HDAC1: variants seen among roughly 807,000 people sequenced by gnomAD.
HDAC1 encodes the protein histone deacetylase 1.
Under a neutral mutation model 65.5 loss-of-function variants are expected in HDAC1, and 18 were observed. The observed-to-expected ratio is 0.27, with a 90% CI of 0.19 to 0.41. HDAC1 has a LOEUF of 0.41. Among genes scored for constraint, HDAC1 ranks in the 10% least tolerant of loss-of-function variants. HDAC1 has a pLI of 1.00. For missense variants in HDAC1, 373 were observed against 625.2 expected, an observed-to-expected ratio of 0.60 and a Z score of 4.30; for synonymous variants, 211 against 227.9, an observed-to-expected ratio of 0.93 and a Z score of 0.67.
intron 1 of HDAC1, 45 bp downstream of exon 1, chr1:32,292,263 A>T: frequency 6.5e-7 from 1 of 1,545,704 alleles, no homozygotes; most frequent in Non-Finnish European, 8.7e-7. Context: ...GCCGGGCCGG[A>T]CCGGGAACCT....
At chr1:32,299,524 C>T (rs1391979552) in intron 1 of HDAC1, among the ~76,000 whole-genome samples, 2 of 152,182 alleles carry the variant, frequency 1.3e-5, no homozygotes, top group East Asian at 3.8e-4. Context: ...ATATCTTAGT[C>T]CCCCAGGTCT....
rs1325267840 is a variant in HDAC1, at chr1:32,331,969, C to T, written c.1220-121C>T. 7 of 1,393,200 alleles carry T rather than the reference C, an allele frequency of 5.0e-6. No individual in the cohort carries two copies. In the African/African-American group the frequency reaches 7.3e-5, roughly 14 times the overall value. The allele number at this position is 1,393,200 out of a possible 1,614,324, so 86.3% of individuals were successfully genotyped here. A position where few individuals can be genotyped will look rare whatever the true frequency, so the allele number is the denominator to read the frequency against. ...CAGGTTAGGGAGCCCGAGTTCCTCCCTCTTCTGGTTCCCTTTCCCTTGGTG... is the reference window on the plus strand; with the variant it reads ...CAGGTTAGGGAGCCCGAGTTCCTCCTTCTTCTGGTTCCCTTTCCCTTGGTG... On this transcript the variant is annotated intron_variant, in intron 11 of 13. Transcript: ENST00000373548. The surrounding 1 kb of genome is among the most constrained non-coding windows in gnomAD (Gnocchi z 4.2).
intron 12 of HDAC1, among the ~76,000 whole-genome samples, 178 bp from the exon 13 acceptor site, chr1:32,332,523 C>G (rs1570044018): frequency 6.6e-6 from 1 of 152,222 alleles, no homozygotes; most frequent in Non-Finnish European, 1.5e-5. Flanking sequence ...CTGTAGCAGG[C>G]TGGGAAACCA....
At chr1:32,314,235 A>T (rs915808203) in intron 2 of HDAC1, among the ~76,000 whole-genome samples, 1 of 152,178 alleles carries the variant, frequency 6.6e-6, no homozygotes, top group African/African-American at 2.4e-5. Flanking sequence ...TCTGTTGCCC[A>T]GACTGTAGTG....
At chr1:32,332,546 C>A (rs1641308713) in intron 12 of HDAC1, among the ~76,000 whole-genome samples, 155 bp from the exon 13 acceptor site, 1 of 152,232 alleles carries the variant, frequency 6.6e-6, no homozygotes, top group South Asian at 2.1e-4. Flanking sequence ...CCAACCTGTT[C>A]TCAACAGGGC....
At chr1:32,312,891 G>T (rs1641009098) in intron 2 of HDAC1, among the ~76,000 whole-genome samples, 1 of 151,856 alleles carries the variant, frequency 6.6e-6, no homozygotes, top group South Asian at 2.1e-4. Context: ...GGCCAGACTG[G>T]TTTGAAACTC....
chr1:32,322,946 A>G (rs1280197026), intron 3 of HDAC1, among the ~76,000 whole-genome samples: 1 of 152,150 alleles, frequency 6.6e-6, no homozygotes, highest in Non-Finnish European at 1.5e-5. Context: ...GTGAGGATCA[A>G]ATGAGGTTGT....
In HDAC1 at chr1:32,331,735, C is replaced by G. The variant is rs551994577; in HGVS notation, c.1148C>G (p.Ala383Gly). ...CACGCACCTGGGGTCCAAATGCAGGCGATTCCTGAGGACGCCATCCCTGAG... is the reference window on the plus strand; with the variant it reads ...CACGCACCTGGGGTCCAAATGCAGGGGATTCCTGAGGACGCCATCCCTGAG... ...LPHAPGVQMQ[A>G]IPEDAIPEES... The change falls in exon 11 of 14, where the codon GCG becomes GGG. Residue 383 changes from alanine to glycine, a missense_variant. Physicochemically the swap from Ala to Gly is moderately conservative, Grantham distance 60. Around this residue, in one of 4 missense-constraint regions of HDAC1, gnomAD observed 126 missense variants for 126.2 expected, o/e 1.00. Coordinates refer to ENST00000373548, the MANE Select transcript of HDAC1 (RefSeq NM_004964.3). The surrounding 1 kb of genome is among the most constrained non-coding windows in gnomAD (Gnocchi z 4.2). 1 of 1,614,066 alleles carries G rather than the reference C, an allele frequency of 6.2e-7. No homozygotes were observed. The highest frequency in any genetic ancestry group is 2.2e-5 in the East Asian group (1 of 44,882).
intron 2 of HDAC1, among the ~76,000 whole-genome samples, chr1:32,314,493 C>T (rs1026975178): frequency 3.9e-5 from 6 of 151,920 alleles, no homozygotes; most frequent in African/African-American, 1.2e-4. Context: ...GCACCCAGCC[C>T]AATAATGATC....
In HDAC1 at chr1:32,298,465, C is replaced by T. The variant is rs747219031; in HGVS notation, c.50-4156C>T. Among the ~76,000 whole-genome samples the T allele has an allele frequency of 1.5e-3, 231 of 151,976 alleles. 4 individuals carry two copies. Among genetic ancestry groups the T allele is most frequent in the Non-Finnish European group, 6.6e-4 (45 of 68,016 alleles). On this transcript the variant is annotated intron_variant, in intron 1 of 13. Coordinates refer to ENST00000373548, the MANE Select transcript of HDAC1 (RefSeq NM_004964.3). ...TGATCTCCTTACCTCATGATCCACC[C>T]GCCTCGGCCCAAAGTGCTGGGATTA...
rs1425576715 is a variant in HDAC1 at position 32,331,319 on chromosome 1, A to G, written c.980-155A>G. ...GTGATGTTAAAAAGATGGAAATCCC[A>G]TAGGTACCCGTGTCTCACAGTGTCT... On this transcript the variant is annotated intron_variant, in intron 9 of 13. Coordinates refer to ENST00000373548, the MANE Select transcript of HDAC1 (RefSeq NM_004964.3). This position sits in a 1 kb window ranked among gnomAD's most constrained non-coding sequence, Gnocchi z 4.2. 6.6e-6 allele frequency among the ~76,000 whole-genome samples: 1 copy of G among 152,212 alleles called. No homozygotes were observed. The highest frequency in any genetic ancestry group is 1.5e-5 in the Non-Finnish European group (1 of 68,030).
chr1:32,331,853 TCACACTTCCACCACCATTCCTGGCTG>T lies in HDAC1; in HGVS notation c.1219+54_1219+79del. ...CTATGCCTTCCATTCAATAGGCAGCTCACACTTCCACCACCATTCCTGGCTGCACACTCCCTCCAAGCTCCCCACCT... is the reference window on the plus strand; with the variant it reads ...CTATGCCTTCCATTCAATAGGCAGCTCACACTCCCTCCAAGCTCCCCACCT... On this transcript the variant is annotated intron_variant, in intron 11 of 13. Transcript: ENST00000373548. This position sits in a 1 kb window ranked among gnomAD's most constrained non-coding sequence, Gnocchi z 4.2. 6.4e-6 allele frequency: 10 copies of T among 1,555,864 alleles called. No homozygotes were observed. The highest frequency in any genetic ancestry group is 8.7e-6 in the Non-Finnish European group (10 of 1,148,958).
intron 2 of HDAC1, among the ~76,000 whole-genome samples, chr1:32,308,823 T>G (rs1244778049): frequency 6.6e-6 from 1 of 152,142 alleles, no homozygotes; most frequent in Non-Finnish European, 1.5e-5. Flanking sequence ...TGGCCCGTTT[T>G]ATTTTTTTAG....
At chr1:32,307,133 T>G (rs746039000) in intron 2 of HDAC1, among the ~76,000 whole-genome samples, 8 of 152,068 alleles carry the variant, frequency 5.3e-5, no homozygotes, top group Non-Finnish European at 1.0e-4. Flanking sequence ...TAGTCCCAGC[T>G]ACTCAGGAGG....
At chr1:32,310,129 A>T (rs1378964919) in intron 2 of HDAC1, among the ~76,000 whole-genome samples, 1 of 152,198 alleles carries the variant, frequency 6.6e-6, no homozygotes, top group African/African-American at 2.4e-5. Flanking sequence ...AAATTCCCTC[A>T]TGGCAGCCAT....
rs888290374 is a variant in HDAC1, at chr1:32,327,689, C to T, written c.636+12C>T. The stretch of plus-strand genomic sequence containing the variant: ...CTGGGGACCTACGGGTGAGAACGCC[C>T]TTTAGGAGCCAACCGGCTTACCCTC... On this transcript the variant is annotated intron_variant, in intron 6 of 13. Transcript: ENST00000373548. The surrounding 1 kb of genome is among the most constrained non-coding windows in gnomAD (Gnocchi z 6.0). 44 of 1,613,528 alleles carry T rather than the reference C, an allele frequency of 2.7e-5. No homozygotes were observed. Among genetic ancestry groups the T allele is most frequent in the Non-Finnish European group, 3.7e-5 (44 of 1,179,562 alleles).
At chr1:32,321,680 A>T (rs1477242701) in intron 3 of HDAC1, among the ~76,000 whole-genome samples, 1 of 152,202 alleles carries the variant, frequency 6.6e-6, no homozygotes, top group Non-Finnish European at 1.5e-5. Flanking sequence ...ACTAGGAATA[A>T]AAGGGCTGGT....
At position 32,302,634 on chromosome 1, in the gene HDAC1, T is replaced by G; in HGVS notation, c.63T>G (p.Asn21Lys). The G allele has an allele frequency of 6.4e-7, 1 of 1,568,334 alleles. No homozygotes were observed. The highest frequency in any genetic ancestry group is 1.1e-5 in the South Asian group (1 of 90,134). ...VCYYYDGDVGNYYYGQGHPMK... is the reference protein window; with the variant it reads ...VCYYYDGDVGKYYYGQGHPMK... Reference sequence around the variant, plus strand: ...TCTCTTCTTCAGGGGATGTTGGAAATTACTATTATGGACAAGGCCACCCAA... The same window carrying G: ...TCTCTTCTTCAGGGGATGTTGGAAAGTACTATTATGGACAAGGCCACCCAA... Residue 21 changes from asparagine to lysine, a missense_variant, in exon 2 of 14, where the codon AAT becomes AAG. Physicochemically the swap from Asn to Lys is moderately conservative, Grantham distance 94 (BLOSUM62 0). Around this residue, in one of 4 missense-constraint regions of HDAC1, gnomAD observed 80 missense variants for 126.3 expected, o/e 0.63. Transcript: ENST00000373548.
rs777962693 is a variant in HDAC1, at chr1:32,333,065, C to T, written c.*21C>T. The T allele has an allele frequency of 6.2e-7, 1 of 1,609,030 alleles. No homozygotes were observed. The highest frequency in any genetic ancestry group is 8.5e-7 in the Non-Finnish European group (1 of 1,175,706). On this transcript the variant is annotated 3_prime_UTR_variant, in exon 14 of 14. Coordinates refer to ENST00000373548, the MANE Select transcript of HDAC1 (RefSeq NM_004964.3). Reference sequence around the variant, plus strand: ...CCTGAATGGACCTCTCCAGCTCTGGCTTCCTGCTGAGTCCCTCACGTTTCT... The same window carrying T: ...CCTGAATGGACCTCTCCAGCTCTGGTTTCCTGCTGAGTCCCTCACGTTTCT...
Sources: allele counts gnomAD v4.1 joint callset (sites outside exome capture counted in the v4.1 genomes callset), GRCh38; gene constraint gnomAD v4.1.1; regional missense constraint gnomAD v4.1.1; non-coding constraint Gnocchi (gnomAD v3.1); transcripts MANE v1.5; gene names NCBI Gene and HGNC (gene_info 2026-07-23, HGNC 2026-07-21).